FANCD2: variants seen among roughly 807,000 people sequenced by gnomAD.
FANCD2 encodes the protein Fanconi anemia group D2 protein.
Under a neutral mutation model 192.3 loss-of-function variants are expected in FANCD2, and 131 were observed. That is an observed-to-expected ratio of 0.68 (90% CI 0.59 to 0.79). The LOEUF is 0.79. Among genes scored for constraint, FANCD2 ranks in the 30% least tolerant of loss-of-function variants. FANCD2 has a pLI of 0.00. For synonymous variants in FANCD2, 524 were observed against 612.5 expected (o/e 0.86, Z 2.13); for missense variants, 1,508 against 1,701.6 (o/e 0.89, Z 2.00).
At chr3:10,085,394 C>CTTTTTTTTTTTT (rs1242296810) in intron 32 of FANCD2, among the ~76,000 whole-genome samples, 1 of 136,940 alleles carries the variant, frequency 7.3e-6, no homozygotes, top group African/African-American at 2.7e-5. Flanking sequence ...TTTTTTCTTT[C>CTTTTTTTTTTTT]TTTTTTTTTT....
intron 19 of FANCD2, among the ~76,000 whole-genome samples, chr3:10,061,716 C>T (rs1185184309): frequency 6.6e-6 from 1 of 152,018 alleles, no homozygotes; most frequent in East Asian, 1.9e-4. Context: ...ATAGGATAAC[C>T]ATCCTTTGCT....
chr3:10,063,727 G>C (rs1480643039), intron 20 of FANCD2, 65 bp from the exon 21 acceptor site: 5 of 1,609,250 alleles, frequency 3.1e-6, no homozygotes, highest in Non-Finnish European at 4.2e-6. Flanking sequence ...GTCTTGAAAG[G>C]GGCGAGTGGA....
chr3:10,082,077 C>CT (rs1297848908), intron 32 of FANCD2, among the ~76,000 whole-genome samples: 1 of 152,192 alleles, frequency 6.6e-6, no homozygotes. Flanking sequence ...GCAACACCTC[C>CT]TTAGATGTGG....
Position 10,085,861 on chromosome 3 carries a change from C to A in FANCD2, c.3274C>A (p.His1092Asn). 6.2e-7 allele frequency: 1 copy of A among 1,613,818 alleles called. No homozygotes were observed. Among genetic ancestry groups the A allele is most frequent in the Non-Finnish European group, 8.5e-7 (1 of 1,179,778 alleles). The stretch of plus-strand genomic sequence containing the variant: ...TCAGAATTTACTGTATTCAGCCCTC[C>A]ATGTCCTTAGTAGCCGACTGAAACA... ...ENQNLLYSALHVLSSRLKQGE... is the reference protein window; with the variant it reads ...ENQNLLYSALNVLSSRLKQGE... The change falls in exon 33 of 44, where the codon CAT becomes AAT. Residue 1092 changes from histidine (H) to asparagine (N), a missense_variant. Around this residue, in one of 5 missense-constraint regions of FANCD2, gnomAD observed 796 missense variants for 879.4 expected, o/e 0.91. Transcript: ENST00000675286.
intron 2 of FANCD2, among the ~76,000 whole-genome samples, chr3:10,030,039 G>C (rs906207681): frequency 6.6e-6 from 1 of 151,130 alleles, no homozygotes; most frequent in African/African-American, 2.4e-5. Context: ...CATCCATCTC[G>C]GCCTCCCAAA....
chr3:10,034,849 CT>C (rs1559370678), intron 5 of FANCD2, 51 bp downstream of exon 5: 1 of 1,294,594 alleles, frequency 7.7e-7, no homozygotes, highest in South Asian at 1.3e-5. Context: ...GTTTTGCCAA[CT>C]TCATGGGGCT....
chr3:10,069,584 G>A (rs1693052206), intron 26 of FANCD2, among the ~76,000 whole-genome samples: 2 of 150,738 alleles, frequency 1.3e-5, no homozygotes, highest in South Asian at 4.2e-4. Flanking sequence ...GCCTCAGCCT[G>A]CCGAGTGCCT....
At chr3:10,048,787 C>T (rs2087109281) in intron 16 of FANCD2, among the ~76,000 whole-genome samples, 1 of 48,464 alleles carries the variant, frequency 2.1e-5, no homozygotes, top group Non-Finnish European at 4.9e-5. Flanking sequence ...AAATTTTAAA[C>T]ATTTAAAGTA....
intron 26 of FANCD2, among the ~76,000 whole-genome samples, chr3:10,072,414 G>A (rs1403075643): frequency 6.6e-6 from 1 of 151,992 alleles, no homozygotes; most frequent in South Asian, 2.1e-4. Flanking sequence ...AAGTAGCTGG[G>A]ATTACAGGCG....
chr3:10,033,843 G>A (rs887639872), intron 3 of FANCD2, among the ~76,000 whole-genome samples: 1 of 151,132 alleles, frequency 6.6e-6, no homozygotes, highest in East Asian at 2.0e-4. Flanking sequence ...GACTACAGGC[G>A]CCCGCCACCA....
chr3:10,076,497 G>A (rs183844109), intron 29 of FANCD2, among the ~76,000 whole-genome samples: 6 of 152,234 alleles, frequency 3.9e-5, no homozygotes, highest in Non-Finnish European at 8.8e-5. Flanking sequence ...ATATGACAGA[G>A]CATAATAGCT....
intron 7 of FANCD2, among the ~76,000 whole-genome samples, chr3:10,036,645 G>C (rs1219685827): frequency 6.6e-6 from 1 of 151,962 alleles, no homozygotes; most frequent in Non-Finnish European, 1.5e-5. Context: ...GACCAGCCTG[G>C]GCAATGTAGT....
At chr3:10,094,056 C>T (rs1694809759) in intron 39 of FANCD2, among the ~76,000 whole-genome samples, 1 of 152,222 alleles carries the variant, frequency 6.6e-6, no homozygotes, top group Non-Finnish European at 1.5e-5. Context: ...CCCTGTCCAT[C>T]GACTGTATCT....
rs1174335414 is a variant in FANCD2 at position 10,069,478 on chromosome 3, C to T, written c.2494+2161C>T. 4.6e-4 allele frequency among the ~76,000 whole-genome samples: 64 copies of T among 140,096 alleles called. 1 individual carries two copies. Among genetic ancestry groups the T allele is most frequent in the Middle Eastern group, 3.5e-3 (1 of 284 alleles). The allele number at this position is 140,096 out of a possible 152,430, so 91.9% of individuals were successfully genotyped here. ...TAAGATGCCTCTCCCCCTCCCCCTC[C>T]CCCTCCCCCTCTCCCGTCTCCCTCT... On this transcript the variant is annotated intron_variant, in intron 26 of 43. Transcript: ENST00000675286.
intron 29 of FANCD2, among the ~76,000 whole-genome samples, chr3:10,075,114 C>T (rs1693462439): frequency 6.6e-6 from 1 of 152,106 alleles, no homozygotes; most frequent in Non-Finnish European, 1.5e-5. Context: ...ATCATGCTTG[C>T]TTTCAAATAA....
At chr3:10,091,891 G>A (rs1317627400) in intron 37 of FANCD2, among the ~76,000 whole-genome samples, 3 of 152,274 alleles carry the variant, frequency 2.0e-5, no homozygotes, top group African/African-American at 7.2e-5. Flanking sequence ...TCAGGAGTTC[G>A]AGACTAGCCT....
rs987819449 is a variant in FANCD2, at chr3:10,094,346, A to C, written c.3946A>C (p.Ser1316Arg). The C allele has an allele frequency of 9.9e-6, 16 of 1,613,810 alleles. No individual in the cohort carries two copies. Among genetic ancestry groups the C allele is most frequent in the African/African-American group, 8.0e-5 (6 of 74,904 alleles). The change falls in exon 40 of 44, where the codon AGT (serine) becomes CGT (arginine). Residue 1316 changes from serine to arginine, a missense_variant. Ser to Arg is a moderately radical substitution (Grantham distance 110). This residue lies in a region of FANCD2 where 796 missense variants were observed against 879.4 expected (regional missense o/e 0.91). Transcript: ENST00000675286. ...GCAATGTATGCCGCTCCTAGACTTC[A>C]GTTTTAGAAAACACCGGGTAAGAGC... ...LKQCMPLLDF[S>R]FRKHREDVLS...
chr3:10,042,124 C>T (rs941810666), intron 10 of FANCD2, among the ~76,000 whole-genome samples: 5 of 152,060 alleles, frequency 3.3e-5, no homozygotes, highest in South Asian at 2.1e-4. Flanking sequence ...TCTTGAACTC[C>T]GGACCTTGTT....
chr3:10,065,440 CTT>C lies in FANCD2; in HGVS notation c.2217_2218del (p.Val741GlyfsTer5), dbSNP rs747604554. The C allele has an allele frequency of 5.0e-6, 8 of 1,613,992 alleles. No homozygotes were observed. The highest frequency in any genetic ancestry group is 1.3e-5 in the African/African-American group (1 of 75,030). On this transcript the variant is annotated frameshift_variant, in exon 24 of 44. Transcript: ENST00000675286. LOFTEE classifies it high-confidence loss of function. ...CLAPYFRLLR[L>X]CVERQHNGNL... is the part of the protein sequence containing the mutation. The stretch of plus-strand genomic sequence containing the variant: ...GGCTCCGTATTTCCGGTTACTGAGA[CTT>C]TGTGTGGAGAGACAGCATAACGGAA...
Sources: allele counts gnomAD v4.1 joint callset (sites outside exome capture counted in the v4.1 genomes callset), GRCh38; gene constraint gnomAD v4.1.1; regional missense constraint gnomAD v4.1.1; transcripts MANE v1.5; gene names NCBI Gene and HGNC (gene_info 2026-07-23, HGNC 2026-07-21).